DNM3: variants seen among roughly 807,000 people sequenced by gnomAD.
DNM3 encodes dynamin 3.
In DNM3, 47 loss-of-function variants were observed where a neutral mutation model predicts 101.6. That is an observed-to-expected ratio of 0.46 (90% CI 0.37 to 0.59). DNM3 has a LOEUF of 0.59. DNM3 is among the 20% of genes least tolerant of loss of function. The pLI, the probability that DNM3 is intolerant of heterozygous loss-of-function variation, is 0.00. For synonymous variants in DNM3, 385 were observed against 387.9 expected (o/e 0.99, Z 0.09); for missense variants, 849 against 1,085.7 (o/e 0.78, Z 3.06).
chr1:172,316,872 C>T (rs1011484977), intron 16 of DNM3, among the ~76,000 whole-genome samples: 15 of 152,314 alleles, frequency 9.8e-5, no homozygotes, highest in Admixed American at 6.5e-4. Flanking sequence ...TTGAACTCAG[C>T]TCTGCACCAA....
intron 2 of DNM3, among the ~76,000 whole-genome samples, chr1:171,972,928 G>T (rs1227331544): frequency 6.6e-6 from 1 of 152,180 alleles, no homozygotes; most frequent in Non-Finnish European, 1.5e-5. Context: ...GGGTGGAGCA[G>T]AGTTCTCTCT....
chr1:172,095,107 G>A (rs2054159274), intron 13 of DNM3, among the ~76,000 whole-genome samples: 1 of 152,168 alleles, frequency 6.6e-6, no homozygotes, highest in Non-Finnish European at 1.5e-5. Context: ...AATTGGGTGA[G>A]TGTTATAATG....
chr1:171,995,174 C>T (rs1343332230), intron 4 of DNM3, among the ~76,000 whole-genome samples: 2 of 139,854 alleles, frequency 1.4e-5, no homozygotes, highest in African/African-American at 5.4e-5. Flanking sequence ...GGCACAGTCT[C>T]GGCTCACTGC....
At chr1:172,303,123 A>G (rs1287454487) in intron 15 of DNM3, among the ~76,000 whole-genome samples, 1 of 152,176 alleles carries the variant, frequency 6.6e-6, no homozygotes, top group Non-Finnish European at 1.5e-5. Context: ...CAAGGAAGCT[A>G]AAAACCTTGA....
At chr1:172,116,485 C>G (rs1050008401) in intron 13 of DNM3, among the ~76,000 whole-genome samples, 11 of 152,152 alleles carry the variant, frequency 7.2e-5, no homozygotes, top group Non-Finnish European at 1.5e-4. Flanking sequence ...AAAGCCAGTC[C>G]AGCATGGAGT....
rs2071054552 is a variant in DNM3 at position 172,408,729 on chromosome 1, T to C, written c.*888T>C. On this transcript the variant is annotated 3_prime_UTR_variant, in exon 21 of 21. Coordinates refer to ENST00000627582, the MANE Select transcript of DNM3 (RefSeq NM_015569.5). Reference sequence around the variant, plus strand: ...TACACTTTGATACTAACTCCAGTTTTACTATTATTATTTTGGTTGGAAAAA... The same window carrying C: ...TACACTTTGATACTAACTCCAGTTTCACTATTATTATTTTGGTTGGAAAAA... 1.0e-6 allele frequency: 1 copy of C among 984,884 alleles called. No homozygotes were observed. The highest frequency in any genetic ancestry group is 5.2e-4 in the Middle Eastern group (1 of 1,914). 61.0% of individuals were successfully genotyped at this position (984,884 alleles called of 1,614,324 possible). A position where few individuals can be genotyped will look rare whatever the true frequency, so the allele number is the denominator to read the frequency against.
intron 1 of DNM3, among the ~76,000 whole-genome samples, chr1:171,853,363 C>A (rs373858155): frequency 2.6e-5 from 4 of 152,004 alleles, no homozygotes; most frequent in Admixed American, 6.6e-5. Flanking sequence ...CACAGGGTCT[C>A]CCTATGTTGT....
intron 2 of DNM3, among the ~76,000 whole-genome samples, chr1:171,980,151 C>CTTTTTTT (rs35057661): frequency 7.2e-6 from 1 of 138,354 alleles, no homozygotes; most frequent in Non-Finnish European, 1.5e-5. Context: ...TTTAGATTTC[C>CTTTTTTT]TTTTTTTTTT....
intron 16 of DNM3, among the ~76,000 whole-genome samples, chr1:172,316,465 C>T (rs1007673139): frequency 2.0e-5 from 3 of 152,014 alleles, no homozygotes; most frequent in Non-Finnish European, 4.4e-5. Context: ...AGAATCAAGA[C>T]CCATCAGTGT....
At chr1:171,897,289 C>T (rs1057496163) in intron 1 of DNM3, among the ~76,000 whole-genome samples, 1 of 152,172 alleles carries the variant, frequency 6.6e-6, no homozygotes, top group African/African-American at 2.4e-5. Flanking sequence ...GAACACCAAA[C>T]AAAGTTTTCA....
At chr1:172,055,116 T>C (rs2050500475) in intron 10 of DNM3, among the ~76,000 whole-genome samples, 1 of 152,176 alleles carries the variant, frequency 6.6e-6, no homozygotes, top group Non-Finnish European at 1.5e-5. Context: ...GTCCTTACCA[T>C]GGCTTACAAG....
intron 17 of DNM3, among the ~76,000 whole-genome samples, chr1:172,341,807 G>A (rs1484098525): frequency 1.3e-5 from 2 of 152,004 alleles, no homozygotes; most frequent in East Asian, 3.8e-4. Flanking sequence ...ATACCATTCT[G>A]GACATAGGAA....
At chr1:172,375,671 G>T (rs538753996) in intron 17 of DNM3, among the ~76,000 whole-genome samples, 1 of 152,126 alleles carries the variant, frequency 6.6e-6, no homozygotes, top group African/African-American at 2.4e-5. Flanking sequence ...CCAAGGTATG[G>T]TGAGAATTAT....
intron 14 of DNM3, among the ~76,000 whole-genome samples, chr1:172,190,258 C>T (rs899754203): frequency 2.6e-5 from 4 of 152,016 alleles, no homozygotes; most frequent in Non-Finnish European, 2.9e-5. Context: ...TGAGAACATG[C>T]GGTGTTTGGT....
intron 15 of DNM3, among the ~76,000 whole-genome samples, chr1:172,308,422 C>A (rs2064938343): frequency 6.6e-6 from 1 of 152,334 alleles, no homozygotes. Context: ...TCCTTCCCCA[C>A]AGCACAAGTT....
intron 1 of DNM3, among the ~76,000 whole-genome samples, chr1:171,917,585 A>G (rs1249070621): frequency 6.6e-6 from 1 of 152,158 alleles, no homozygotes; most frequent in Non-Finnish European, 1.5e-5. Flanking sequence ...TTTGATTTGT[A>G]GCTGTCATGT....
chr1:172,213,594 G>A (rs1239063598), intron 14 of DNM3, among the ~76,000 whole-genome samples: 1 of 150,534 alleles, frequency 6.6e-6, no homozygotes, highest in Non-Finnish European at 1.5e-5. Context: ...GCTTCAGGAG[G>A]CCAAGGCAGG....
chr1:172,138,204 G>A (rs548692503), intron 14 of DNM3: 4 of 152,080 alleles, frequency 2.6e-5, no homozygotes, highest in African/African-American at 7.2e-5. Flanking sequence ...AACACTAGTT[G>A]GAAATAGTAG....
At chr1:172,244,450 A>T (rs940112758) in intron 14 of DNM3, among the ~76,000 whole-genome samples, 6 of 151,618 alleles carry the variant, frequency 4.0e-5, no homozygotes, top group Non-Finnish European at 7.4e-5. Context: ...TTCGCAACCT[A>T]CTCATCTGAC....
Sources: gnomAD v4.1 joint callset for allele counts (sites outside exome capture counted in the v4.1 genomes callset) on GRCh38, gnomAD v4.1.1 for gene constraint, MANE v1.5 for transcripts, NCBI Gene and HGNC (gene_info 2026-07-23, HGNC 2026-07-21) for gene names.